NFIA: variants seen among roughly 807,000 people sequenced by gnomAD.
NFIA encodes nuclear factor 1 A-type.
In NFIA, 8 loss-of-function variants were observed where a neutral mutation model predicts 62.8. The ratio of observed to expected loss-of-function variants is 0.13; its 90% CI spans 0.07 to 0.23. The LOEUF (loss-of-function observed/expected upper bound fraction) is 0.23, where lower values mean the gene tolerates loss of function less well. Ranked by LOEUF, NFIA falls within the 10% of genes least tolerant of loss-of-function variation. The probability of loss-of-function intolerance (pLI) is 1.00; values close to 1 mark genes in which losing one functional copy is unlikely to be tolerated. For missense variants in NFIA, 410 were observed against 642.1 expected (o/e 0.64, Z 3.91); for synonymous variants, 235 against 238.1 (o/e 0.99, Z 0.12).
intron 3 of NFIA, among the ~76,000 whole-genome samples, chr1:61,321,413 GAA>G (rs965130379): frequency 5.3e-5 from 8 of 151,794 alleles, no homozygotes; most frequent in South Asian, 2.1e-4. Flanking sequence ...ACGAGAGAGA[GAA>G]AGGGAGGGAG....
At chr1:61,194,014 A>G (rs1318176562) in intron 2 of NFIA, among the ~76,000 whole-genome samples, 1 of 152,242 alleles carries the variant, frequency 6.6e-6, no homozygotes, top group East Asian at 1.9e-4. Flanking sequence ...GTGCTTGTAC[A>G]GAGAGGAACA....
chr1:61,116,962 C>G (rs1182418786), intron 2 of NFIA, among the ~76,000 whole-genome samples: 2 of 151,956 alleles, frequency 1.3e-5, no homozygotes, highest in Non-Finnish European at 2.9e-5. Flanking sequence ...TAAAGCATGC[C>G]TTTTTTATGA....
At chr1:61,367,501 C>T (rs1663653555) in intron 6 of NFIA, among the ~76,000 whole-genome samples, 1 of 152,220 alleles carries the variant, frequency 6.6e-6, no homozygotes, top group South Asian at 2.1e-4. Context: ...ACATCCTCTT[C>T]TATGATCTCA....
In NFIA at chr1:61,283,581, C is replaced by CAAAAAAAAAA. The variant is rs576613886; in HGVS notation, c.625+6014_625+6023dup. Among the ~76,000 whole-genome samples the CAAAAAAAAAA allele has an allele frequency of 7.9e-3, 288 of 36,504 alleles. 6 individuals carry two copies. The highest frequency in any genetic ancestry group is 1.0e-2 in the Non-Finnish European group (184 of 18,478). The allele number at this position is 36,504 out of a possible 152,430, so 23.9% of individuals were successfully genotyped here. A position where few individuals can be genotyped will look rare whatever the true frequency, so the allele number is the denominator to read the frequency against. The stretch of plus-strand genomic sequence containing the variant: ...TGGGTGACAGAACGAGACTCTGTCT[C>CAAAAAAAAAA]AAAAAAAAAAAAAAAAAAAAAAAAA... On this transcript the variant is annotated intron_variant, in intron 3 of 10. Transcript: ENST00000403491.
chr1:61,352,446 C>A lies in NFIA; in HGVS notation c.701-4C>A. 1.2e-6 allele frequency: 2 copies of A among 1,600,934 alleles called. No homozygotes were observed. Among genetic ancestry groups the A allele is most frequent in the South Asian group, 2.2e-5 (2 of 90,488 alleles). ...CTGATTTTTGTTTGTTTTCTTAATT[C>A]TAGCACCAATAGCTGCAGGAACTGG... On this transcript the variant is annotated splice_region_variant and splice_polypyrimidine_tract_variant and intron_variant, in intron 4 of 10. Coordinates refer to ENST00000403491, the MANE Select transcript of NFIA (RefSeq NM_001134673.4).
intron 2 of NFIA, among the ~76,000 whole-genome samples, chr1:61,204,433 T>C (rs974775388): frequency 1.3e-4 from 20 of 152,374 alleles, no homozygotes; most frequent in Non-Finnish European, 2.2e-4. Flanking sequence ...TAAATGACCC[T>C]AAAGGTAGTA....
At position 61,267,899 on chromosome 1, in the gene NFIA, G is replaced by A. The variant is rs545996977; in HGVS notation, c.560-9621G>A. On this transcript the variant is annotated intron_variant, in intron 2 of 10. Coordinates refer to ENST00000403491, the MANE Select transcript of NFIA (RefSeq NM_001134673.4). ...TATCTCCAGGTATACAGGGTGAAAG[G>A]CACCATAGTAGATGCCAAGCGAATG... 9.9e-5 allele frequency among the ~76,000 whole-genome samples: 15 copies of A among 152,246 alleles called. No individual in the cohort carries two copies. In the South Asian group the frequency reaches 2.7e-3, roughly 27 times the overall value.
intron 2 of NFIA, among the ~76,000 whole-genome samples, chr1:61,258,371 T>C (rs1271729150): frequency 6.6e-6 from 1 of 152,216 alleles, no homozygotes; most frequent in South Asian, 2.1e-4. Flanking sequence ...TCTAGACCCA[T>C]CTTTTTAAAT....
chr1:61,406,351 T>A (rs781211296), intron 8 of NFIA, among the ~76,000 whole-genome samples: 2 of 152,176 alleles, frequency 1.3e-5, no homozygotes, highest in Admixed American at 6.5e-5. Context: ...GGAGCACATG[T>A]GGCTAAGAGT....
chr1:61,308,806 C>G (rs1659938166), intron 3 of NFIA, among the ~76,000 whole-genome samples: 1 of 152,158 alleles, frequency 6.6e-6, no homozygotes, highest in South Asian at 2.1e-4. Flanking sequence ...TATTGCTGTT[C>G]CTGCTGTTGT....
chr1:61,097,475 T>G (rs190241420), intron 2 of NFIA, among the ~76,000 whole-genome samples: 5 of 152,360 alleles, frequency 3.3e-5, no homozygotes. Context: ...TATTTCCTTT[T>G]GTAATTTTGC....
chr1:61,438,998 G>GACACACACACACACACAC (rs3076170), intron 10 of NFIA, among the ~76,000 whole-genome samples: 2 of 141,878 alleles, frequency 1.4e-5, no homozygotes, highest in African/African-American at 2.6e-5. Flanking sequence ...CATGCATGCA[G>GACACACACACACACACAC]ACACACACAC....
chr1:61,371,813 C>A (rs1276153990), intron 6 of NFIA, among the ~76,000 whole-genome samples: 3 of 152,100 alleles, frequency 2.0e-5, no homozygotes, highest in African/African-American at 7.2e-5. Flanking sequence ...GGAAATAGTC[C>A]TTTGGTTTGG....
intron 2 of NFIA, among the ~76,000 whole-genome samples, chr1:61,197,234 CTTTTTTTTTTTTT>C (rs1002158986): frequency 3.2e-5 from 3 of 93,388 alleles, no homozygotes; most frequent in Non-Finnish European, 6.1e-5. Context: ...TACTCTGGTT[CTTTTTTTTTTTTT>C]TTTTTTTTTG....
chr1:61,090,060 A>G (rs932073225), intron 2 of NFIA, among the ~76,000 whole-genome samples: 3 of 152,220 alleles, frequency 2.0e-5, no homozygotes, highest in African/African-American at 7.2e-5. Context: ...CTGGGTAGCA[A>G]GAATGAAAAG....
chr1:61,365,383 CT>C (rs1188528643), intron 6 of NFIA, among the ~76,000 whole-genome samples: 1 of 152,162 alleles, frequency 6.6e-6, no homozygotes, highest in African/African-American at 2.4e-5. Context: ...AAATGTCACG[CT>C]CTCCAACCGT....
chr1:61,311,883 C>G (rs565527227), intron 3 of NFIA, among the ~76,000 whole-genome samples: 2 of 152,272 alleles, frequency 1.3e-5, no homozygotes, highest in South Asian at 4.1e-4. Context: ...AAATAATCCA[C>G]CCACCCTTTG....
At chr1:61,385,608 T>C (rs762476660) in intron 7 of NFIA, among the ~76,000 whole-genome samples, 2 of 152,218 alleles carry the variant, frequency 1.3e-5, no homozygotes, top group Non-Finnish European at 2.9e-5. Context: ...GTCTAATGTG[T>C]GTCTTGCCTT....
At chr1:61,343,638 C>G (rs74086788) in intron 4 of NFIA, among the ~76,000 whole-genome samples, 1 of 152,280 alleles carries the variant, frequency 6.6e-6, no homozygotes, top group African/African-American at 2.4e-5. Flanking sequence ...TTTAATGTTC[C>G]TGTTTGGAAA....
Sources: gnomAD v4.1 joint callset for allele counts (sites outside exome capture counted in the v4.1 genomes callset) on GRCh38, gnomAD v4.1.1 for gene constraint, MANE v1.5 for transcripts, NCBI Gene and HGNC (gene_info 2026-07-23, HGNC 2026-07-21) for gene names.